STARD13: variants seen among roughly 807,000 people sequenced by gnomAD.
STARD13 encodes StAR related lipid transfer domain containing 13, also known as stAR-related lipid transfer protein 13.
STARD13 carries 62 observed loss-of-function variants against 106.4 expected under a neutral mutation model. The ratio of observed to expected loss-of-function variants is 0.58; its 90% CI spans 0.48 to 0.72. The LOEUF is 0.72. Ranked by LOEUF, STARD13 falls within the 30% of genes least tolerant of loss-of-function variation. The pLI, the probability that STARD13 is intolerant of heterozygous loss-of-function variation, is 0.00. For missense variants in STARD13, 1,387 were observed against 1,424.0 expected (o/e 0.97, Z 0.42); for synonymous variants, 565 against 553.0 (o/e 1.02, Z -0.31).
At position 33,329,643 on chromosome 13, in the gene STARD13, T is replaced by TTGTG. The variant is rs1229779802; in HGVS notation, c.124+20643_124+20646dup. The stretch of plus-strand genomic sequence containing the variant: ...TTTTTTAAACCTGAATAATATTCCA[T>TTGTG]TGTGTGTGTGTATGTGTGTGTGTGT... On this transcript the variant is annotated intron_variant, in intron 1 of 5. Transcript: ENST00000567873. 1.2e-3 allele frequency among the ~76,000 whole-genome samples: 126 copies of TTGTG among 104,010 alleles called. 1 individual carries two copies. The highest frequency in any genetic ancestry group is 4.3e-3 in the African/African-American group (117 of 27,474). The allele number at this position is 104,010 out of a possible 152,430, so 68.2% of individuals were successfully genotyped here.
chr13:33,530,694 T>C, the STARD13 span, among the ~76,000 whole-genome samples: 19 of 152,340 alleles, frequency 1.2e-4, no homozygotes, highest in African/African-American at 4.6e-4. Flanking sequence ...TCAAGAGGTA[T>C]ATAATGTCTG....
the STARD13 span, among the ~76,000 whole-genome samples, chr13:33,586,995 C>T: frequency 1.3e-5 from 2 of 152,136 alleles, no homozygotes; most frequent in African/African-American, 4.8e-5. Flanking sequence ...GGCTGGATCA[C>T]CTGAGGTCAG....
the STARD13 span, among the ~76,000 whole-genome samples, chr13:33,626,927 A>T: frequency 6.6e-6 from 1 of 152,258 alleles, no homozygotes; most frequent in Non-Finnish European, 1.5e-5. Context: ...AAAATAAAAT[A>T]AAATAAAAAT....
the STARD13 span, among the ~76,000 whole-genome samples, chr13:33,672,140 G>A: frequency 6.6e-6 from 1 of 152,156 alleles, no homozygotes; most frequent in Non-Finnish European, 1.5e-5. Context: ...ATGATAGACT[G>A]GATAAAGAAA....
the STARD13 span, among the ~76,000 whole-genome samples, chr13:33,406,904 C>T: frequency 1.4e-4 from 22 of 152,208 alleles, no homozygotes; most frequent in East Asian, 3.9e-4. Flanking sequence ...AAAAGCATAC[C>T]GAGTGCTGAT....
the STARD13 span, among the ~76,000 whole-genome samples, chr13:33,368,325 G>A: frequency 6.6e-6 from 1 of 152,132 alleles, no homozygotes; most frequent in African/African-American, 2.4e-5. Flanking sequence ...ATACTCAAAT[G>A]TCATAATTAA....
the STARD13 span, among the ~76,000 whole-genome samples, chr13:33,366,725 G>A: frequency 2.0e-5 from 3 of 152,158 alleles, no homozygotes; most frequent in Admixed American, 1.3e-4. The surrounding 1 kb of genome is among the most constrained non-coding windows in gnomAD (Gnocchi z 4.2). Flanking sequence ...TTAGCAATGA[G>A]TTGATTTACC....
At chr13:33,112,664 T>C in intron 9 of STARD13, 57 bp downstream of exon 9, 1 of 1,382,614 alleles carries the variant, frequency 7.2e-7, no homozygotes. Flanking sequence ...TCCAGTCTTA[T>C]GAACTGTGGG....
the STARD13 span, among the ~76,000 whole-genome samples, chr13:33,426,909 G>A: frequency 6.6e-6 from 1 of 152,118 alleles, no homozygotes. Context: ...AGAATACCTT[G>A]GCTTCTCCTT....
chr13:33,241,671 C>T (rs894307589), intron 1 of STARD13, among the ~76,000 whole-genome samples: 37 of 151,862 alleles, frequency 2.4e-4, no homozygotes, highest in African/African-American at 9.0e-4. Flanking sequence ...CTGCCCAATG[C>T]CTGGGATTGC....
chr13:33,365,321 A>G, the STARD13 span, among the ~76,000 whole-genome samples: 1 of 152,198 alleles, frequency 6.6e-6, no homozygotes, highest in South Asian at 2.1e-4. Context: ...GTGCTGGAAG[A>G]TTTTTCTAGA....
chr13:33,222,073 C>T (rs1249970235), intron 1 of STARD13, among the ~76,000 whole-genome samples: 5 of 151,546 alleles, frequency 3.3e-5, no homozygotes, highest in African/African-American at 7.3e-5. Flanking sequence ...TGCTTGAACC[C>T]GGGAGGTAGA....
At chr13:33,222,213 T>G (rs1049985389) in intron 1 of STARD13, among the ~76,000 whole-genome samples, 4 of 151,850 alleles carry the variant, frequency 2.6e-5, no homozygotes, top group Admixed American at 6.6e-5. Flanking sequence ...TTAGGCTAAG[T>G]GAAAAATACC....
At chr13:33,599,334 T>G in the STARD13 span, among the ~76,000 whole-genome samples, 2 of 152,218 alleles carry the variant, frequency 1.3e-5, no homozygotes, top group Admixed American at 1.3e-4. Flanking sequence ...TACCTGAAAC[T>G]CTTAACCTGA....
intron 1 of STARD13, among the ~76,000 whole-genome samples, chr13:33,242,353 G>T (rs1037226275): frequency 1.3e-5 from 2 of 152,222 alleles, no homozygotes; most frequent in African/African-American, 4.8e-5. Flanking sequence ...GATTGTTACT[G>T]TGTCTGTGTA....
At chr13:33,552,806 A>G in the STARD13 span, among the ~76,000 whole-genome samples, 1 of 152,216 alleles carries the variant, frequency 6.6e-6, no homozygotes, top group Non-Finnish European at 1.5e-5. Context: ...AGTTACCTCC[A>G]AATTATAGAT....
intron 4 of STARD13, among the ~76,000 whole-genome samples, chr13:33,135,257 G>C (rs1412351822): frequency 6.6e-6 from 1 of 152,182 alleles, no homozygotes; most frequent in Non-Finnish European, 1.5e-5. Context: ...TCTTTAATGA[G>C]GTAGATACAG....
At chr13:33,499,609 T>TCTTCCTC in the STARD13 span, among the ~76,000 whole-genome samples, 25 of 74,396 alleles carry the variant, frequency 3.4e-4, 1 homozygote, top group Non-Finnish European at 4.8e-4. Flanking sequence ...TCTTCTTTCT[T>TCTTCCTC]CTTCTTCTTC....
At chr13:33,365,710 C>T in the STARD13 span, among the ~76,000 whole-genome samples, 1 of 152,164 alleles carries the variant, frequency 6.6e-6, no homozygotes, top group Non-Finnish European at 1.5e-5. Flanking sequence ...CTCACTGTAA[C>T]ACTCACCCAT....
Sources: allele counts gnomAD v4.1 joint callset (sites outside exome capture counted in the v4.1 genomes callset), GRCh38; gene constraint gnomAD v4.1.1; non-coding constraint Gnocchi (gnomAD v3.1); transcripts MANE v1.5; gene names NCBI Gene and HGNC (gene_info 2026-07-23, HGNC 2026-07-21).